Variants in SGCZ observed in about 807,000 individuals in gnomAD.
SGCZ encodes sarcoglycan zeta.
In SGCZ, 40 loss-of-function variants were observed where a neutral mutation model predicts 41.3. The ratio of observed to expected loss-of-function variants is 0.97; its 90% CI spans 0.75 to 1.26. The LOEUF (loss-of-function observed/expected upper bound fraction) is 1.26, where lower values mean the gene tolerates loss of function less well. SGCZ is among the 50% of genes most tolerant of loss of function. The pLI is 0.00. For missense variants in SGCZ, 552 were observed against 369.8 expected, an observed-to-expected ratio of 1.49 and a Z score of -4.04; for synonymous variants, 206 against 137.5, an observed-to-expected ratio of 1.50 and a Z score of -3.49.
At chr8:15,082,443 A>AGTGTGTGT (rs71209102) in intron 1 of SGCZ, among the ~76,000 whole-genome samples, 4 of 149,568 alleles carry the variant, frequency 2.7e-5, no homozygotes, top group Admixed American at 6.7e-5. Flanking sequence ...TATATCTCTA[A>AGTGTGTGT]GTGTGTGTGT....
rs548778373 is a variant in SGCZ at position 14,260,987 on chromosome 8, A to G, written c.337-23308T>C. ...GGGGAGGGATAGCATTGGGAGATAT[A>G]CCTAACGCTAGATGACGAGTTAGTG... On this transcript the variant is annotated intron_variant, in intron 3 of 7. Transcript: ENST00000382080. Among the ~76,000 whole-genome samples the G allele has an allele frequency of 5.0e-3, 758 of 152,298 alleles. 1 individual carries two copies. The highest frequency in any genetic ancestry group is 8.4e-3 in the Non-Finnish European group (574 of 68,032).
intron 2 of SGCZ, among the ~76,000 whole-genome samples, chr8:14,498,704 A>G (rs146249654): frequency 1.3e-5 from 2 of 152,106 alleles, no homozygotes; most frequent in East Asian, 3.9e-4. Flanking sequence ...TTAAAATTGA[A>G]TATGTTATTA....
intron 1 of SGCZ, among the ~76,000 whole-genome samples, chr8:14,651,885 T>A (rs1181712538): frequency 1.3e-5 from 2 of 151,886 alleles, no homozygotes; most frequent in East Asian, 3.9e-4. Flanking sequence ...AAATTGAGAG[T>A]CAGCATATTG....
intron 1 of SGCZ, among the ~76,000 whole-genome samples, chr8:15,128,832 T>C (rs2116968016): frequency 6.6e-6 from 1 of 152,162 alleles, no homozygotes; most frequent in Non-Finnish European, 1.5e-5. Flanking sequence ...ATTCTCTCCT[T>C]CCCCTTAGAC....
chr8:14,845,390 C>T (rs1232856589), intron 1 of SGCZ, among the ~76,000 whole-genome samples: 2 of 149,588 alleles, frequency 1.3e-5, no homozygotes, highest in Admixed American at 6.6e-5. Flanking sequence ...TTTTGTTATA[C>T]AAAAATACAA....
At chr8:14,559,200 G>C (rs1804132179) in intron 1 of SGCZ, among the ~76,000 whole-genome samples, 2 of 152,000 alleles carry the variant, frequency 1.3e-5, no homozygotes, top group South Asian at 2.1e-4. Context: ...GTCACTGTTT[G>C]CTGATGATAT....
intron 1 of SGCZ, among the ~76,000 whole-genome samples, chr8:15,019,239 T>C: frequency 6.6e-6 from 1 of 152,170 alleles, no homozygotes; most frequent in East Asian, 1.9e-4. Context: ...GCATGGAAGT[T>C]GAAGGTCAGC....
chr8:14,264,058 T>G (rs779432948), intron 3 of SGCZ, among the ~76,000 whole-genome samples: 1 of 152,192 alleles, frequency 6.6e-6, no homozygotes, highest in East Asian at 1.9e-4. Flanking sequence ...CCCAGCAGTA[T>G]GGTCTCATGT....
At chr8:14,094,778 C>T (rs962722898) in intron 7 of SGCZ, among the ~76,000 whole-genome samples, 5 of 152,124 alleles carry the variant, frequency 3.3e-5, no homozygotes, top group Admixed American at 2.6e-4. Flanking sequence ...CCTATTTCTC[C>T]ACATCCTCAC....
intron 1 of SGCZ, among the ~76,000 whole-genome samples, chr8:14,615,047 T>G (rs1806054395): frequency 6.6e-6 from 1 of 152,082 alleles, no homozygotes; most frequent in South Asian, 2.1e-4. Context: ...ACAAAAAGAT[T>G]AAAAGTGAAT....
chr8:14,185,019 T>C (rs1302899879), intron 4 of SGCZ, among the ~76,000 whole-genome samples: 1 of 152,168 alleles, frequency 6.6e-6, no homozygotes, highest in Non-Finnish European at 1.5e-5. Context: ...CTTTATAACA[T>C]TTAAGTTTCT....
At chr8:14,620,161 C>A (rs1312335270) in intron 1 of SGCZ, among the ~76,000 whole-genome samples, 1 of 152,072 alleles carries the variant, frequency 6.6e-6, no homozygotes. Context: ...TGATCTTTGA[C>A]AAACCTGACA....
rs141093216 is a variant in SGCZ, at chr8:14,849,621, G to C, written c.40-294695C>G. Among the ~76,000 whole-genome samples the C allele has an allele frequency of 4.4e-3, 670 of 152,252 alleles. 5 individuals carry two copies. The highest frequency in any genetic ancestry group is 0.015 in the African/African-American group (641 of 41,544). The stretch of plus-strand genomic sequence containing the variant: ...ATCTATCACGAAATGAAGCAGATCA[G>C]GGCTTTTCTCAGCTATACGTGGGGT... On this transcript the variant is annotated intron_variant, in intron 1 of 7. Coordinates refer to ENST00000382080, the MANE Select transcript of SGCZ (RefSeq NM_139167.4).
intron 1 of SGCZ, among the ~76,000 whole-genome samples, chr8:15,157,346 C>T (rs7018042): frequency 0.2 from 30,216 of 151,738 alleles, 3,558 homozygotes; most frequent in East Asian, 0.47. Flanking sequence ...TGAGCTCACA[C>T]CACTGCACAC....
At chr8:14,392,243 C>A (rs534666277) in intron 2 of SGCZ, among the ~76,000 whole-genome samples, 11 of 152,198 alleles carry the variant, frequency 7.2e-5, no homozygotes, top group African/African-American at 2.2e-4. Context: ...CATATTAGAA[C>A]CAATTTTCTA....
intron 4 of SGCZ, among the ~76,000 whole-genome samples, chr8:14,185,672 GTGTTTTGTTT>G (rs745718166): frequency 2.6e-5 from 4 of 151,710 alleles, no homozygotes; most frequent in Admixed American, 1.3e-4. Flanking sequence ...TTGTTTTGTT[GTGTTTTGTTT>G]TGTTTTGTTT....
intron 2 of SGCZ, among the ~76,000 whole-genome samples, chr8:14,431,043 A>T (rs1358649079): frequency 3.9e-5 from 6 of 152,008 alleles, no homozygotes; most frequent in African/African-American, 1.4e-4. Context: ...GACATCATAG[A>T]TGTCACAAAT....
At chr8:14,885,984 GTTATATATATATAT>G (rs1314688062) in intron 1 of SGCZ, among the ~76,000 whole-genome samples, 3 of 58,382 alleles carry the variant, frequency 5.1e-5, no homozygotes, top group African/African-American at 2.0e-4. Context: ...AGGACTTTAT[GTTATATATATATAT>G]ATATATATAT....
chr8:15,123,404 C>A (rs987742194), intron 1 of SGCZ, among the ~76,000 whole-genome samples: 4 of 152,108 alleles, frequency 2.6e-5, no homozygotes, highest in African/African-American at 9.7e-5. Context: ...TTATATGCAA[C>A]ACTTTGTTGG....
Sources: gnomAD v4.1 joint callset for allele counts (sites outside exome capture counted in the v4.1 genomes callset) on GRCh38, gnomAD v4.1.1 for gene constraint, MANE v1.5 for transcripts, NCBI Gene and HGNC (gene_info 2026-07-23, HGNC 2026-07-21) for gene names.